Variants in LRRC20 observed in about 807,000 individuals in gnomAD.
The protein encoded by LRRC20 is leucine rich repeat containing 20.
Under a neutral mutation model 14.4 loss-of-function variants are expected in LRRC20, and 11 were observed. That is an observed-to-expected ratio of 0.77 (90% CI 0.48 to 1.27). LRRC20 has a LOEUF of 1.27. Ranked by LOEUF, LRRC20 falls within the 50% of genes most tolerant of loss-of-function variation. The probability of loss-of-function intolerance (pLI) is 0.00; values close to 1 mark genes in which losing one functional copy is unlikely to be tolerated. For missense variants in LRRC20, 219 were observed against 251.2 expected (o/e 0.87, Z 0.87); for synonymous variants, 121 against 107.3 (o/e 1.13, Z -0.79).
intron 2 of LRRC20, among the ~76,000 whole-genome samples, chr10:70,352,475 G>T (rs148878843): frequency 6.6e-6 from 1 of 152,166 alleles, no homozygotes; most frequent in Non-Finnish European, 1.5e-5. Flanking sequence ...GGATTCTCAG[G>T]CGGTGAAAGT....
At chr10:70,349,855 T>C (rs146355323) in intron 2 of LRRC20, among the ~76,000 whole-genome samples, 3 of 152,260 alleles carry the variant, frequency 2.0e-5, no homozygotes, top group African/African-American at 7.2e-5. Context: ...AATTTTAGCA[T>C]TGAGAGTCTT....
rs374386013 is a variant in LRRC20, at chr10:70,333,670, G to A, written c.232+6883C>T. 1.1e-4 allele frequency among the ~76,000 whole-genome samples: 17 copies of A among 152,196 alleles called. No homozygotes were observed. The South Asian group carries it at 1.2e-3, about 11-fold the overall frequency. On this transcript the variant is annotated intron_variant, in intron 3 of 4. Transcript: ENST00000446961. Reference sequence around the variant, plus strand: ...TGAGGTCATCCAGGTAGCTCCAGGGGTGGGGCACCCTTGAGGACTGATGGC... The same window carrying A: ...TGAGGTCATCCAGGTAGCTCCAGGGATGGGGCACCCTTGAGGACTGATGGC...
At chr10:70,330,960 C>T (rs1311669986) in intron 3 of LRRC20, among the ~76,000 whole-genome samples, 1 of 152,220 alleles carries the variant, frequency 6.6e-6, no homozygotes, top group East Asian at 1.9e-4. Flanking sequence ...ACCGGGGACC[C>T]GGGGACCCTG....
At chr10:70,311,976 C>T (rs1841684695) in intron 4 of LRRC20, among the ~76,000 whole-genome samples, 1 of 152,200 alleles carries the variant, frequency 6.6e-6, no homozygotes. Flanking sequence ...ACTTGTTTTA[C>T]ATCAGTGGAA....
intron 2 of LRRC20, among the ~76,000 whole-genome samples, chr10:70,347,458 C>G (rs1432987317): frequency 6.6e-6 from 1 of 151,810 alleles, no homozygotes; most frequent in Non-Finnish European, 1.5e-5. Flanking sequence ...AGTCCCATTC[C>G]GACCACCTGG....
chr10:70,354,801 T>G (rs1843461276), intron 2 of LRRC20, among the ~76,000 whole-genome samples: 1 of 152,162 alleles, frequency 6.6e-6, no homozygotes, highest in Non-Finnish European at 1.5e-5. Flanking sequence ...CTTCACTCTC[T>G]TCTCTCGCTT....
At chr10:70,358,729 C>T (rs539681345) in intron 2 of LRRC20, among the ~76,000 whole-genome samples, 11 of 152,202 alleles carry the variant, frequency 7.2e-5, no homozygotes, top group Non-Finnish European at 1.6e-4. Flanking sequence ...GCCCCACCTC[C>T]CCAGAAAGGG....
intron 2 of LRRC20, among the ~76,000 whole-genome samples, chr10:70,373,546 C>T (rs909826263): frequency 9.9e-5 from 15 of 152,220 alleles, no homozygotes; most frequent in African/African-American, 3.6e-4. Context: ...GTCAGGATTA[C>T]AGGTGCCTAC....
chr10:70,305,948 G>C (rs1324115286), intron 4 of LRRC20, among the ~76,000 whole-genome samples: 1 of 152,106 alleles, frequency 6.6e-6, no homozygotes, highest in Non-Finnish European at 1.5e-5. Flanking sequence ...CACCGTGTTA[G>C]CCAGGATGGT....
chr10:70,324,202 G>C (rs1244377178), intron 3 of LRRC20, among the ~76,000 whole-genome samples, 172 bp from the exon 4 acceptor site: 3 of 152,204 alleles, frequency 2.0e-5, no homozygotes, highest in Non-Finnish European at 4.4e-5. Context: ...TGTGCTAGAG[G>C]AGGGGTCACC....
intron 2 of LRRC20, among the ~76,000 whole-genome samples, chr10:70,348,228 G>C (rs1382614199): frequency 6.6e-6 from 1 of 152,086 alleles, no homozygotes; most frequent in African/African-American, 2.4e-5. Flanking sequence ...GCTGGGATGT[G>C]ATGCAAACAC....
At chr10:70,338,814 C>T (rs1368400420) in intron 3 of LRRC20, among the ~76,000 whole-genome samples, 2 of 152,204 alleles carry the variant, frequency 1.3e-5, no homozygotes, top group African/African-American at 4.8e-5. Context: ...GTGTGCGCCA[C>T]CACACCCGGC....
chr10:70,361,913 A>C (rs2137107311), intron 2 of LRRC20, among the ~76,000 whole-genome samples: 1 of 152,354 alleles, frequency 6.6e-6, no homozygotes, highest in African/African-American at 2.4e-5. Context: ...CAGGCCGGGC[A>C]TGGTGGCTCA....
chr10:70,355,424 G>A (rs185052544), intron 2 of LRRC20, among the ~76,000 whole-genome samples: 6 of 152,188 alleles, frequency 3.9e-5, no homozygotes, highest in Admixed American at 3.9e-4. Flanking sequence ...TAGAGAAAAG[G>A]GCATGGGAGG....
At chr10:70,340,436 T>C (rs1842870437) in intron 3 of LRRC20, 117 bp downstream of exon 3, 2 of 1,222,482 alleles carry the variant, frequency 1.6e-6, no homozygotes, top group Admixed American at 4.0e-5. Flanking sequence ...CCCATGGGAA[T>C]GATTTCATGG....
At chr10:70,318,324 A>G (rs950658902) in intron 4 of LRRC20, among the ~76,000 whole-genome samples, 1 of 152,214 alleles carries the variant, frequency 6.6e-6, no homozygotes, top group Admixed American at 6.5e-5. Flanking sequence ...CCCGTTCTCT[A>G]GCGATGCTGC....
intron 2 of LRRC20, among the ~76,000 whole-genome samples, chr10:70,356,272 G>A (rs1445577790): frequency 6.6e-6 from 1 of 152,184 alleles, no homozygotes; most frequent in African/African-American, 2.4e-5. Context: ...AGCACTTTGG[G>A]AGGCCAAGGT....
chr10:70,348,471 C>T (rs1346354110), intron 2 of LRRC20, among the ~76,000 whole-genome samples: 10 of 152,380 alleles, frequency 6.6e-5, no homozygotes, highest in Admixed American at 5.9e-4. Context: ...AACAACACCA[C>T]TTACTATTTC....
chr10:70,366,576 A>ATAC (rs1271533613), intron 2 of LRRC20, among the ~76,000 whole-genome samples: 2 of 152,212 alleles, frequency 1.3e-5, no homozygotes, highest in Non-Finnish European at 2.9e-5. Flanking sequence ...CACCCTAGAG[A>ATAC]ATGTATACAA....
Sources: gnomAD v4.1 joint callset for allele counts (sites outside exome capture counted in the v4.1 genomes callset) on GRCh38, gnomAD v4.1.1 for gene constraint, MANE v1.5 for transcripts, NCBI Gene and HGNC (gene_info 2026-07-23, HGNC 2026-07-21) for gene names.